The following DSCAM variants were observed in gnomAD, a reference collection of about 807,000 sequenced individuals.
DSCAM encodes the protein cell adhesion molecule DSCAM.
DSCAM carries 47 observed loss-of-function variants against 217.7 expected under a neutral mutation model. That is an observed-to-expected ratio of 0.22 (90% CI 0.17 to 0.28). The LOEUF (loss-of-function observed/expected upper bound fraction) is 0.28, where lower values mean the gene tolerates loss of function less well. DSCAM is among the 10% of genes least tolerant of loss of function. The pLI, the probability that DSCAM is intolerant of heterozygous loss-of-function variation, is 1.00. For synonymous variants in DSCAM, 1,056 were observed against 1,015.3 expected (o/e 1.04, Z -0.76); for missense variants, 2,080 against 2,618.3 (o/e 0.79, Z 4.49).
chr21:40,210,181 T>C (rs1247982359), intron 11 of DSCAM, among the ~76,000 whole-genome samples: 1 of 152,112 alleles, frequency 6.6e-6, no homozygotes, highest in African/African-American at 2.4e-5. Flanking sequence ...GAAAATTACC[T>C]CCAGTTCTTC....
At chr21:40,328,245 A>G (rs1056474190) in intron 8 of DSCAM, among the ~76,000 whole-genome samples, 1 of 152,194 alleles carries the variant, frequency 6.6e-6, no homozygotes, top group East Asian at 1.9e-4. Flanking sequence ...TTCAAAATAT[A>G]CTACTGAGCT....
intron 1 of DSCAM, among the ~76,000 whole-genome samples, chr21:40,717,817 A>G (rs1165871279): frequency 6.6e-6 from 1 of 152,200 alleles, no homozygotes; most frequent in Non-Finnish European, 1.5e-5. Context: ...TATTTGAATA[A>G]AGCTATTTTA....
chr21:40,560,816 A>T (rs2076714714), intron 3 of DSCAM, among the ~76,000 whole-genome samples: 1 of 152,248 alleles, frequency 6.6e-6, no homozygotes, highest in Admixed American at 6.5e-5. Flanking sequence ...AAAAGAGAGT[A>T]TGGAACCACA....
At chr21:40,654,290 GA>G (rs2090049134) in intron 3 of DSCAM, among the ~76,000 whole-genome samples, 1 of 152,126 alleles carries the variant, frequency 6.6e-6, no homozygotes, top group Non-Finnish European at 1.5e-5. Flanking sequence ...CAAGAGCATA[GA>G]AATGGAGCTC....
At chr21:40,360,767 A>G (rs553706596) in intron 4 of DSCAM, among the ~76,000 whole-genome samples, 1 of 152,284 alleles carries the variant, frequency 6.6e-6, no homozygotes, top group East Asian at 1.9e-4. Flanking sequence ...TAGCCCAGCG[A>G]TGAACATACA....
intron 32 of DSCAM, among the ~76,000 whole-genome samples, chr21:40,037,338 G>T (rs1462106993): frequency 6.7e-6 from 1 of 149,788 alleles, no homozygotes; most frequent in East Asian, 1.9e-4. Context: ...CAAAATCAAT[G>T]TACAAAAGTC....
At position 40,013,200 on chromosome 21, in the gene DSCAM, C is replaced by T; in HGVS notation, c.5873G>A (p.Arg1958Lys). The stretch of plus-strand genomic sequence containing the variant: ...CCCCGGCTGCCACGACTGTCCTTCT[C>T]TCGTGGAGGAGGCGGAGGAGGCGGC... ...MEAASSASST[R>K]EGQSWQPGAV... The change falls in exon 33 of 33, where the codon AGA becomes AAA. Residue 1958 changes from arginine to lysine, a missense_variant. Arg to Lys is a conservative substitution (Grantham distance 26, BLOSUM62 2). Coordinates refer to ENST00000400454, the MANE Select transcript of DSCAM (RefSeq NM_001389.5). The T allele has an allele frequency of 1.2e-6, 2 of 1,613,734 alleles. No homozygotes were observed. The highest frequency in any genetic ancestry group is 1.7e-6 in the Non-Finnish European group (2 of 1,179,838).
At chr21:40,680,014 T>G (rs1015159895) in intron 3 of DSCAM, among the ~76,000 whole-genome samples, 6 of 151,986 alleles carry the variant, frequency 3.9e-5, no homozygotes, top group Admixed American at 2.0e-4. Context: ...ATGATAATAA[T>G]AATAAGAAGA....
chr21:40,175,702 G>C (rs1019878518), intron 15 of DSCAM, among the ~76,000 whole-genome samples: 1 of 151,038 alleles, frequency 6.6e-6, no homozygotes, highest in Non-Finnish European at 1.5e-5. Context: ...GAAAGGGAAG[G>C]CATGAACATT....
intron 18 of DSCAM, among the ~76,000 whole-genome samples, chr21:40,138,492 GGTGT>G (rs912952621): frequency 6.7e-6 from 1 of 149,210 alleles, no homozygotes. Flanking sequence ...GGGTGTGTGT[GGTGT>G]GTGTGTGTGC....
intron 10 of DSCAM, among the ~76,000 whole-genome samples, chr21:40,280,651 A>G (rs567207948): frequency 8.5e-5 from 13 of 152,366 alleles, no homozygotes; most frequent in African/African-American, 2.6e-4. Context: ...GTAAAAAAGT[A>G]AATACCTTCA....
At chr21:40,213,605 A>G (rs1244522852) in intron 11 of DSCAM, among the ~76,000 whole-genome samples, 2 of 152,338 alleles carry the variant, frequency 1.3e-5, no homozygotes, top group Middle Eastern at 6.8e-3. Flanking sequence ...CGCAGAAAAC[A>G]TCTTAGGCAG....
At chr21:40,485,027 C>A (rs1163963025) in intron 3 of DSCAM, among the ~76,000 whole-genome samples, 1 of 152,100 alleles carries the variant, frequency 6.6e-6, no homozygotes, top group Non-Finnish European at 1.5e-5. Context: ...TTTAGAGACG[C>A]TTCCAGAGTC....
At chr21:40,809,711 C>T (rs2091820601) in intron 1 of DSCAM, among the ~76,000 whole-genome samples, 1 of 152,118 alleles carries the variant, frequency 6.6e-6, no homozygotes, top group African/African-American at 2.4e-5. Flanking sequence ...CATAGCAAGT[C>T]CCCTGCCTAT....
chr21:40,623,579 T>G (rs1345289186), intron 3 of DSCAM, among the ~76,000 whole-genome samples: 1 of 152,224 alleles, frequency 6.6e-6, no homozygotes, highest in Non-Finnish European at 1.5e-5. Context: ...GTAATGAGCT[T>G]CTTCTAAGGC....
At chr21:40,438,229 T>C (rs1314159736) in intron 3 of DSCAM, among the ~76,000 whole-genome samples, 3 of 152,224 alleles carry the variant, frequency 2.0e-5, no homozygotes, top group Non-Finnish European at 4.4e-5. Context: ...AGATCTGGTA[T>C]CCTAATTTAA....
chr21:40,364,707 T>TAC (rs1338735822), intron 4 of DSCAM, among the ~76,000 whole-genome samples: 54 of 119,666 alleles, frequency 4.5e-4, no homozygotes, highest in African/African-American at 1.2e-3. Flanking sequence ...TATATATATA[T>TAC]ACACACACAG....
chr21:40,791,704 GA>G (rs1231429402), intron 1 of DSCAM, among the ~76,000 whole-genome samples: 1 of 152,096 alleles, frequency 6.6e-6, no homozygotes, highest in African/African-American at 2.4e-5. Context: ...ATAGTTCTTG[GA>G]GTCGAGACAC....
At chr21:40,447,693 T>C (rs2075686083) in intron 3 of DSCAM, among the ~76,000 whole-genome samples, 1 of 152,230 alleles carries the variant, frequency 6.6e-6, no homozygotes, top group African/African-American at 2.4e-5. Flanking sequence ...ATACAATACA[T>C]TTGTACTTTC....
Sources: allele counts gnomAD v4.1 joint callset (sites outside exome capture counted in the v4.1 genomes callset), GRCh38; gene constraint gnomAD v4.1.1; transcripts MANE v1.5; gene names NCBI Gene and HGNC (gene_info 2026-07-23, HGNC 2026-07-21).